The following REEP5 variants were observed in gnomAD, a reference collection of about 807,000 sequenced individuals.
The protein encoded by REEP5 is receptor expression-enhancing protein 5.
REEP5 carries 24 observed loss-of-function variants against 22.4 expected under a neutral mutation model. The observed-to-expected ratio is 1.07, with a 90% CI of 0.78 to 1.51. The LOEUF (loss-of-function observed/expected upper bound fraction) is 1.51, where lower values mean the gene tolerates loss of function less well. Ranked by LOEUF, REEP5 falls within the 40% of genes most tolerant of loss-of-function variation. REEP5 has a pLI of 0.00. For missense variants in REEP5, 252 were observed against 233.0 expected, an observed-to-expected ratio of 1.08 and a Z score of -0.53; for synonymous variants, 103 against 88.6, an observed-to-expected ratio of 1.16 and a Z score of -0.92.
At chr5:112,907,452 C>A (rs1768979647) in intron 2 of REEP5, among the ~76,000 whole-genome samples, 1 of 152,206 alleles carries the variant, frequency 6.6e-6, no homozygotes, top group Non-Finnish European at 1.5e-5. Context: ...GAGCCACCTA[C>A]CATGTTCTGG....
chr5:112,904,501 G>A (rs762446950), intron 2 of REEP5, among the ~76,000 whole-genome samples: 1 of 152,164 alleles, frequency 6.6e-6, no homozygotes. Context: ...TCACAACTAT[G>A]TACTTCCAAA....
chr5:112,886,960 C>T (rs1768267491), intron 4 of REEP5, 55 bp downstream of exon 4: 5 of 1,329,240 alleles, frequency 3.8e-6, no homozygotes, highest in Admixed American at 2.0e-5. Context: ...GTTATTTGAG[C>T]CCAGTGTGTC....
intron 3 of REEP5, among the ~76,000 whole-genome samples, chr5:112,887,470 T>G (rs977338201): frequency 6.6e-6 from 1 of 152,348 alleles, no homozygotes; most frequent in African/African-American, 2.4e-5. Context: ...AGTATATAGC[T>G]GTAAGAGGCT....
At chr5:112,880,052 C>T (rs755387160) in intron 4 of REEP5, among the ~76,000 whole-genome samples, 10 of 152,104 alleles carry the variant, frequency 6.6e-5, no homozygotes, top group South Asian at 4.1e-4. Flanking sequence ...TGCCACCATT[C>T]TCTCCTATGA....
intron 3 of REEP5, among the ~76,000 whole-genome samples, chr5:112,899,767 A>T (rs1465153553): frequency 5.9e-5 from 9 of 152,230 alleles, no homozygotes. Context: ...TTATACCACT[A>T]GGCTGTTAAG....
chr5:112,891,697 A>T lies in REEP5; in HGVS notation c.352-4514T>A, dbSNP rs778696042. 21 of 1,614,012 alleles carry T rather than the reference A, an allele frequency of 1.3e-5. No individual in the cohort carries two copies. In the Admixed American group the frequency reaches 3.5e-4, roughly 27 times the overall value. On this transcript the variant is annotated intron_variant, in intron 3 of 4. Coordinates refer to ENST00000379638, the MANE Select transcript of REEP5 (RefSeq NM_005669.5). Reference sequence around the variant, plus strand: ...GAAGATGACATTTCCAGAGAAACCAAGCCACAAAAAGTACAGGGCCGCCCT... The same window carrying T: ...GAAGATGACATTTCCAGAGAAACCATGCCACAAAAAGTACAGGGCCGCCCT...
intron 2 of REEP5, among the ~76,000 whole-genome samples, chr5:112,902,939 G>A (rs1045968956): frequency 6.6e-6 from 1 of 152,184 alleles, no homozygotes; most frequent in Non-Finnish European, 1.5e-5. Context: ...TATCATGGGT[G>A]AATAAGAATT....
rs114703157 is a variant in REEP5, at chr5:112,916,412, G to A, written c.212+4751C>T. ...AATCCAGTTCAGTGTGCCATTTTCA[G>A]GTGGCCTTGTGCTAGTAAAACAGAG... is the stretch of plus-strand genomic sequence containing the variant. On this transcript the variant is annotated intron_variant, in intron 2 of 4. Coordinates refer to ENST00000379638, the MANE Select transcript of REEP5 (RefSeq NM_005669.5). Among the ~76,000 whole-genome samples the A allele has an allele frequency of 4.7e-3, 720 of 152,280 alleles. 6 individuals are homozygous for A. The highest frequency in any genetic ancestry group is 0.017 in the African/African-American group (690 of 41,558).
intron 2 of REEP5, among the ~76,000 whole-genome samples, chr5:112,917,293 G>A (rs956295581): frequency 1.3e-5 from 2 of 152,090 alleles, no homozygotes; most frequent in Non-Finnish European, 2.9e-5. Context: ...TGTAGTTCCA[G>A]ACCAAGCCTG....
At chr5:112,902,325 ACTT>A (rs981200336) in intron 3 of REEP5, 52 bp downstream of exon 3, 18 of 1,504,766 alleles carry the variant, frequency 1.2e-5, no homozygotes, top group African/African-American at 7.0e-5. Flanking sequence ...ATTTATTCCT[ACTT>A]CTTCTATACA....
At chr5:112,887,334 G>C (rs1034838513) in intron 3 of REEP5, 151 bp from the exon 4 acceptor site, 9 of 684,894 alleles carry the variant, frequency 1.3e-5, no homozygotes, top group Non-Finnish European at 1.9e-5. Context: ...TTAAAGGTGG[G>C]CTTTCTTTAG....
At position 112,878,314 on chromosome 5, in the gene REEP5, G is replaced by GTAGTC. The variant is rs2150032196; in HGVS notation, c.*467_*471dup. The GTAGTC allele has an allele frequency of 6.4e-6, 1 of 157,110 alleles. No homozygotes were observed. Among genetic ancestry groups the GTAGTC allele is most frequent in the African/African-American group, 2.4e-5 (1 of 41,566 alleles). 9.7% of individuals were successfully genotyped at this position (157,110 alleles called of 1,614,324 possible). On this transcript the variant is annotated 3_prime_UTR_variant, in exon 5 of 5. Transcript: ENST00000379638. ...CCTCCCCATGAGCATGATGCATGTT[G>GTAGTC]TAGTCAGACAGTAACATTTCCATAT... is the stretch of plus-strand genomic sequence containing the variant.
Position 112,921,227 on chromosome 5 carries a change from C to G in REEP5, c.148G>C (p.Val50Leu). The G allele has an allele frequency of 6.2e-7, 1 of 1,614,148 alleles. No homozygotes were observed. The highest frequency in any genetic ancestry group is 8.5e-7 in the Non-Finnish European group (1 of 1,180,014). The stretch of plus-strand genomic sequence containing the variant: ...AGGAGAGAGGCTCCATAACCGAACA[C>G]CAGGTACAAGGCCACCAGTCCGATG... ...GVIGLVALYL[V>L]FGYGASLLCN... Residue 50 changes from valine to leucine, a missense_variant, in exon 2 of 5, where the codon GTG becomes CTG. Val to Leu is a conservative substitution (Grantham distance 32). Coordinates refer to ENST00000379638, the MANE Select transcript of REEP5 (RefSeq NM_005669.5).
At chr5:112,883,967 A>G (rs766078440) in intron 4 of REEP5, among the ~76,000 whole-genome samples, 5 of 152,198 alleles carry the variant, frequency 3.3e-5, no homozygotes, top group Non-Finnish European at 7.3e-5. Context: ...AAATATATCA[A>G]GAATCTGATA....
At chr5:112,888,739 T>G (rs922463152) in intron 3 of REEP5, among the ~76,000 whole-genome samples, 3 of 150,992 alleles carry the variant, frequency 2.0e-5, no homozygotes, top group Non-Finnish European at 2.9e-5. Flanking sequence ...GACAGAGACT[T>G]GCTAGGCATG....
At chr5:112,897,023 A>G (rs1212682319) in intron 3 of REEP5, 3 of 152,220 alleles carry the variant, frequency 2.0e-5, no homozygotes, top group African/African-American at 4.8e-5. Context: ...TCGCATGACA[A>G]ATGTCCTCAA....
intron 3 of REEP5, among the ~76,000 whole-genome samples, chr5:112,890,335 TA>T (rs1410215479): frequency 4.1e-5 from 6 of 147,570 alleles, no homozygotes; most frequent in Non-Finnish European, 7.4e-5. Flanking sequence ...TAGAAATTAG[TA>T]AGAATACAGA....
chr5:112,886,426 C>G (rs1043190629), intron 4 of REEP5, among the ~76,000 whole-genome samples: 4 of 152,198 alleles, frequency 2.6e-5, no homozygotes, highest in African/African-American at 9.7e-5. Context: ...ATGAATGGCT[C>G]TTTATCATTT....
chr5:112,896,410 C>G (rs980274892), intron 3 of REEP5: 1 of 152,128 alleles, frequency 6.6e-6, no homozygotes, highest in African/African-American at 2.4e-5. Flanking sequence ...GTAATCCCAG[C>G]TACTTGGGAG....
Sources: gnomAD v4.1 joint callset for allele counts (sites outside exome capture counted in the v4.1 genomes callset) on GRCh38, gnomAD v4.1.1 for gene constraint, MANE v1.5 for transcripts, NCBI Gene and HGNC (gene_info 2026-07-23, HGNC 2026-07-21) for gene names.